NAA25: variants seen among roughly 807,000 people sequenced by gnomAD.
NAA25 encodes the protein N-alpha-acetyltransferase 25, NatB auxiliary subunit.
A neutral mutation model predicts 132.5 loss-of-function variants in NAA25; 30 were observed. The ratio of observed to expected loss-of-function variants is 0.23; its 90% CI spans 0.17 to 0.31. The LOEUF (loss-of-function observed/expected upper bound fraction) is 0.31, where lower values mean the gene tolerates loss of function less well. NAA25 is among the 10% of genes least tolerant of loss of function. The probability of loss-of-function intolerance (pLI) is 1.00; values close to 1 mark genes in which losing one functional copy is unlikely to be tolerated. For missense variants in NAA25, 771 were observed against 1,150.4 expected (o/e 0.67, Z 4.77); for synonymous variants, 359 against 401.9 (o/e 0.89, Z 1.28).
At chr12:112,073,931 AAG>A (rs2078854778) in intron 9 of NAA25, among the ~76,000 whole-genome samples, 1 of 151,268 alleles carries the variant, frequency 6.6e-6, no homozygotes, top group Non-Finnish European at 1.5e-5. Context: ...AAAAAAATGA[AAG>A]AGATCTACAT....
rs190060234 is a variant in NAA25 at position 112,085,235 on chromosome 12, C to A, written c.402+2448G>T. On this transcript the variant is annotated intron_variant, in intron 4 of 23. Transcript: ENST00000261745. Reference sequence around the variant, plus strand: ...ACAGAGCAAGACTATATCACACACACAAAAAAATTAGCCAAGTGTGGTGGC... The same window carrying A: ...ACAGAGCAAGACTATATCACACACAAAAAAAAATTAGCCAAGTGTGGTGGC... Among the ~76,000 whole-genome samples the A allele has an allele frequency of 3.0e-3, 457 of 150,768 alleles. 4 individuals carry two copies. Among genetic ancestry groups the A allele is most frequent in the East Asian group, 0.01 (53 of 5,098 alleles).
At chr12:112,076,718 C>A (rs1015924854) in intron 7 of NAA25, among the ~76,000 whole-genome samples, 9 of 151,782 alleles carry the variant, frequency 5.9e-5, no homozygotes, top group Non-Finnish European at 1.3e-4. Context: ...AAGGGCCAGG[C>A]CTGACAGGTC....
At chr12:112,096,441 ATTAACAC>A (rs1323640654) in intron 1 of NAA25, among the ~76,000 whole-genome samples, 6 of 152,336 alleles carry the variant, frequency 3.9e-5, no homozygotes, top group Admixed American at 3.9e-4. Flanking sequence ...TTTTTCTGCA[ATTAACAC>A]TTAACTAAAA....
chr12:112,078,565 G>C, intron 6 of NAA25, 69 bp downstream of exon 6: 1 of 1,332,262 alleles, frequency 7.5e-7, no homozygotes. Flanking sequence ...ACAGTTCATA[G>C]TATTATAACA....
In NAA25 at chr12:112,032,533, G is replaced by C. The variant is rs539135480; in HGVS notation, c.2796+700C>G. Among the ~76,000 whole-genome samples the C allele has an allele frequency of 1.6e-4, 24 of 152,220 alleles. No homozygotes were observed. In the South Asian group the frequency reaches 1.7e-3, roughly 11 times the overall value. ...TTTAGCTCAGACAAACTCCCGGAGGGAAGCATTTTCTTAAGATCAGTTTCA... is the reference window on the plus strand; with the variant it reads ...TTTAGCTCAGACAAACTCCCGGAGGCAAGCATTTTCTTAAGATCAGTTTCA... On this transcript the variant is annotated intron_variant, in intron 23 of 23. Coordinates refer to ENST00000261745, the MANE Select transcript of NAA25 (RefSeq NM_024953.4).
intron 11 of NAA25, among the ~76,000 whole-genome samples, chr12:112,067,762 G>A (rs561306213): frequency 2.0e-5 from 3 of 152,234 alleles, no homozygotes; most frequent in Non-Finnish European, 2.9e-5. Context: ...ATTTCACTCC[G>A]CATAAATTCC....
chr12:112,099,026 C>T (rs1329879965), intron 1 of NAA25, among the ~76,000 whole-genome samples: 1 of 150,788 alleles, frequency 6.6e-6, no homozygotes, highest in African/African-American at 2.4e-5. Flanking sequence ...CTCACTCTGT[C>T]GCCAGGCTGG....
chr12:112,108,541 G>A lies in NAA25; in HGVS notation c.58+175C>T, dbSNP rs76653694. ...CACTACCACCCCAAGGCTGAGGAAG[G>A]TTGGGCCGGCGCCTACGCGAGGCCC... On this transcript the variant is annotated intron_variant, in intron 1 of 23. Coordinates refer to ENST00000261745, the MANE Select transcript of NAA25 (RefSeq NM_024953.4). Among the ~76,000 whole-genome samples the A allele has an allele frequency of 0.042, 6,393 of 151,864 alleles. 1,218 individuals carry two copies. The East Asian group carries it at 0.61, about 15-fold the overall frequency.
At chr12:112,073,914 G>A (rs187594543) in intron 9 of NAA25, among the ~76,000 whole-genome samples, 2 of 150,520 alleles carry the variant, frequency 1.3e-5, no homozygotes, top group African/African-American at 4.9e-5. Flanking sequence ...TTAAGCCACT[G>A]GGGGGAAAAA....
intron 4 of NAA25, among the ~76,000 whole-genome samples, chr12:112,083,568 A>G (rs2079001978): frequency 6.6e-6 from 1 of 152,002 alleles, no homozygotes; most frequent in African/African-American, 2.4e-5. Flanking sequence ...AATAAACATG[A>G]TCTAGAGACG....
chr12:112,071,803 A>G (rs759782840), intron 10 of NAA25, 92 bp downstream of exon 10: 1 of 958,598 alleles, frequency 1.0e-6, no homozygotes, highest in Non-Finnish European at 1.5e-6. Context: ...CTTCCCAAAC[A>G]TGACTCTGTC....
chr12:112,039,655 A>C (rs538383188), intron 21 of NAA25: 1 of 181,910 alleles, frequency 5.5e-6, no homozygotes, highest in East Asian at 1.5e-4. Context: ...CATCCTTTTC[A>C]CTCAGAGAAG....
rs2078608508 is a variant in NAA25 at position 112,060,297 on chromosome 12, C to T, written c.1420G>A (p.Ala474Thr). Residue 474 changes from alanine to threonine, a missense_variant, in exon 13 of 24, where the codon GCG becomes ACG. By Grantham distance (58) the Ala-to-Thr change is moderately conservative (BLOSUM62 0). Transcript: ENST00000261745. ...SDYYCLLAVH[A>T]LIDVWRETGD... ...GTTTCCCTCCATACATCAATAAGCG[C>T]ATGGACAGCAAGGAGACAGTAATAG... 6.2e-7 allele frequency: 1 copy of T among 1,613,106 alleles called. No homozygotes were observed. The highest frequency in any genetic ancestry group is 8.5e-7 in the Non-Finnish European group (1 of 1,179,264).
At chr12:112,062,554 G>C (rs1181308049) in intron 11 of NAA25, among the ~76,000 whole-genome samples, 1 of 151,714 alleles carries the variant, frequency 6.6e-6, no homozygotes, top group East Asian at 1.9e-4. Flanking sequence ...GTGAAACCCT[G>C]TCTCTACTAA....
rs1428693592 is a variant in NAA25, at chr12:112,075,091, C to G, written c.777-327G>C. ...AGAAGTGTTGTAGCAAAGAATGAAG[C>G]CTCTCTCTTTTAGGGGAATACTGAA... On this transcript the variant is annotated intron_variant, in intron 8 of 23. Transcript: ENST00000261745. 2.6e-5 allele frequency among the ~76,000 whole-genome samples: 4 copies of G among 152,126 alleles called. No individual in the cohort carries two copies. The South Asian group carries it at 6.2e-4, about 24-fold the overall frequency.
intron 23 of NAA25, 113 bp from the exon 24 acceptor site, chr12:112,029,766 A>G (rs2078125398): frequency 1.4e-6 from 2 of 1,431,204 alleles, no homozygotes; most frequent in Non-Finnish European, 1.9e-6. Flanking sequence ...TGCAAGCTCC[A>G]TCAGAACACA....
At chr12:112,045,360 G>A (rs1374573610) in intron 17 of NAA25, among the ~76,000 whole-genome samples, 1 of 152,062 alleles carries the variant, frequency 6.6e-6, no homozygotes, top group Non-Finnish European at 1.5e-5. Context: ...GGCCGTGGTG[G>A]CACACGCCTG....
rs578247454 is a variant in NAA25 at position 112,038,746 on chromosome 12, G to A, written c.2649+483C>T. On this transcript the variant is annotated intron_variant, in intron 22 of 23. Coordinates refer to ENST00000261745, the MANE Select transcript of NAA25 (RefSeq NM_024953.4). The stretch of plus-strand genomic sequence containing the variant: ...TGTAATCTCAGCACTTTGGGAGGCC[G>A]AGGTGGGCAGATCACTTAAGGTCAG... 2.6e-5 allele frequency among the ~76,000 whole-genome samples: 4 copies of A among 152,246 alleles called. No homozygotes were observed. The South Asian group carries it at 6.2e-4, about 24-fold the overall frequency.
intron 16 of NAA25, 102 bp downstream of exon 16, chr12:112,048,188 CCT>C: frequency 8.9e-7 from 1 of 1,124,346 alleles, no homozygotes; most frequent in Non-Finnish European, 1.3e-6. Context: ...CTTTTTTCCC[CCT>C]ATTTTACCTT....
Sources: allele counts gnomAD v4.1 joint callset (sites outside exome capture counted in the v4.1 genomes callset), GRCh38; gene constraint gnomAD v4.1.1; transcripts MANE v1.5; gene names NCBI Gene and HGNC (gene_info 2026-07-23, HGNC 2026-07-21).